The following RASGRF2 variants were observed in gnomAD, a reference collection of about 807,000 sequenced individuals.
RASGRF2 encodes Ras protein specific guanine nucleotide releasing factor 2, also known as ras-specific guanine nucleotide-releasing factor 2.
A neutral mutation model predicts 151.0 loss-of-function variants in RASGRF2; 76 were observed. The ratio of observed to expected loss-of-function variants is 0.50; its 90% CI spans 0.42 to 0.61. RASGRF2 has a LOEUF of 0.61. Among genes scored for constraint, RASGRF2 ranks in the 20% least tolerant of loss-of-function variants. The pLI is 0.00. For synonymous variants in RASGRF2, 504 were observed against 566.5 expected, an observed-to-expected ratio of 0.89 and a Z score of 1.57; for missense variants, 1,148 against 1,564.6, an observed-to-expected ratio of 0.73 and a Z score of 4.49.
chr5:81,058,048 C>T (rs252591), intron 2 of RASGRF2, among the ~76,000 whole-genome samples: 130,967 of 151,926 alleles, frequency 0.86, 56,897 homozygotes, highest in Non-Finnish European at 0.92. Context: ...TTCCAGCTAT[C>T]TTGAAATATA....
At chr5:81,003,366 GTGCCCACCACCA>G (rs1749148992) in intron 1 of RASGRF2, among the ~76,000 whole-genome samples, 1 of 152,068 alleles carries the variant, frequency 6.6e-6, no homozygotes, top group Non-Finnish European at 1.5e-5. Flanking sequence ...GGGACTACAG[GTGCCCACCACCA>G]CGCCCACCTA....
intron 17 of RASGRF2, among the ~76,000 whole-genome samples, chr5:81,141,119 G>T (rs1415898909): frequency 6.6e-6 from 1 of 152,126 alleles, no homozygotes. Context: ...GCCACATTTG[G>T]CTGTGAGCCA....
chr5:81,012,172 A>G (rs1454601622), intron 1 of RASGRF2, among the ~76,000 whole-genome samples: 1 of 152,130 alleles, frequency 6.6e-6, no homozygotes, highest in Non-Finnish European at 1.5e-5. Context: ...AGTTATGAGC[A>G]TTTTACCCCA....
At position 81,201,459 on chromosome 5, in the gene RASGRF2, A is replaced by C; in HGVS notation, c.2906+17A>C. On this transcript the variant is annotated intron_variant, in intron 19 of 26. Transcript: ENST00000265080. ...TATCCTCAGGTGAAGGCAGCTGAAG[A>C]TGCCGACTGGATGACATTGGTTGAT... The C allele has an allele frequency of 6.2e-7, 1 of 1,606,186 alleles. No homozygotes were observed. Among genetic ancestry groups the C allele is most frequent in the Non-Finnish European group, 8.5e-7 (1 of 1,177,062 alleles).
chr5:81,175,101 T>C (rs1363475153), intron 17 of RASGRF2, among the ~76,000 whole-genome samples: 1 of 152,258 alleles, frequency 6.6e-6, no homozygotes, highest in African/African-American at 2.4e-5. Context: ...CTTAGTTCTG[T>C]GACCTTTGCC....
chr5:81,136,932 G>A (rs1376737836), intron 17 of RASGRF2, among the ~76,000 whole-genome samples: 1 of 94,754 alleles, frequency 1.1e-5, no homozygotes, highest in Non-Finnish European at 2.8e-5. Flanking sequence ...TTCCGTGTCT[G>A]TGTTTTTTTA....
chr5:81,059,308 C>T (rs188923944), intron 2 of RASGRF2, among the ~76,000 whole-genome samples: 76 of 147,490 alleles, frequency 5.2e-4, no homozygotes, highest in Admixed American at 3.1e-3. Context: ...GGCGTGAACC[C>T]GGGAGGCGGA....
At chr5:81,066,488 T>A (rs1751606219) in intron 2 of RASGRF2, among the ~76,000 whole-genome samples, 1 of 152,172 alleles carries the variant, frequency 6.6e-6, no homozygotes, top group South Asian at 2.1e-4. Context: ...AGCAGGACAC[T>A]GCAGTATCTC....
At chr5:81,152,726 G>C (rs928869365) in intron 17 of RASGRF2, among the ~76,000 whole-genome samples, 1 of 152,164 alleles carries the variant, frequency 6.6e-6, no homozygotes, top group Non-Finnish European at 1.5e-5. Flanking sequence ...ATCTAGCACA[G>C]GCATACCAAA....
At position 81,140,913 on chromosome 5, in the gene RASGRF2, C is replaced by T. The variant is rs190182102; in HGVS notation, c.2686+13750C>T. 7.5e-4 allele frequency among the ~76,000 whole-genome samples: 114 copies of T among 152,100 alleles called. 2 individuals carry two copies. The East Asian group carries it at 0.011, about 14-fold the overall frequency. On this transcript the variant is annotated intron_variant, in intron 17 of 26. Coordinates refer to ENST00000265080, the MANE Select transcript of RASGRF2 (RefSeq NM_006909.3). ...GAGAGGTGCTGCCATGTTTGAAGGACACAGCCACTGCCCAGCCCCTGCAGA... is the reference window on the plus strand; with the variant it reads ...GAGAGGTGCTGCCATGTTTGAAGGATACAGCCACTGCCCAGCCCCTGCAGA...
intron 18 of RASGRF2, among the ~76,000 whole-genome samples, chr5:81,197,431 C>T (rs1755290573): frequency 7.4e-6 from 1 of 134,234 alleles, no homozygotes; most frequent in Non-Finnish European, 1.5e-5. Flanking sequence ...AGTCCGCAAT[C>T]CGGCCTGGGC....
At chr5:81,102,696 CAA>C (rs35561550) in intron 12 of RASGRF2, among the ~76,000 whole-genome samples, 28 of 77,856 alleles carry the variant, frequency 3.6e-4, no homozygotes, top group Admixed American at 5.8e-4. Flanking sequence ...CTCTGTCTCC[CAA>C]AAAAAAAAAA....
At chr5:81,058,030 A>G (rs1056964473) in intron 2 of RASGRF2, among the ~76,000 whole-genome samples, 1 of 152,024 alleles carries the variant, frequency 6.6e-6, no homozygotes, top group African/African-American at 2.4e-5. Context: ...TTAATTAATA[A>G]CCCTGTTTTC....
intron 13 of RASGRF2, among the ~76,000 whole-genome samples, chr5:81,112,082 C>A (rs1462569560): frequency 6.6e-6 from 1 of 152,108 alleles, no homozygotes. Context: ...TTATTATTTA[C>A]CTCCTCCATT....
intron 2 of RASGRF2, among the ~76,000 whole-genome samples, chr5:81,043,268 A>G (rs1209881157): frequency 6.7e-6 from 1 of 150,282 alleles, no homozygotes; most frequent in East Asian, 1.9e-4. Context: ...TCAATTACAG[A>G]ATGTATTGAA....
intron 12 of RASGRF2, among the ~76,000 whole-genome samples, chr5:81,104,155 T>C (rs1042487746): frequency 7.9e-5 from 12 of 152,138 alleles, no homozygotes; most frequent in Middle Eastern, 3.2e-3. Context: ...GTGTTTATAG[T>C]GTTTTACATC....
chr5:81,157,675 T>G (rs1754293348), intron 17 of RASGRF2, among the ~76,000 whole-genome samples: 2 of 152,304 alleles, frequency 1.3e-5, no homozygotes, highest in South Asian at 4.1e-4. Flanking sequence ...TGGGGAGGTC[T>G]CAGGAAACTT....
In RASGRF2 at chr5:80,960,642, G is replaced by C; in HGVS notation, c.-97G>C. The C allele has an allele frequency of 1.7e-6, 2 of 1,162,732 alleles. No homozygotes were observed. The highest frequency in any genetic ancestry group is 2.2e-6 in the Non-Finnish European group (2 of 908,954). 72.0% of individuals were successfully genotyped at this position (1,162,732 alleles called of 1,614,324 possible). ...AAAGGGGGCGCCCTTCGCCGGCCGG[G>C]ACCTGAGCGGTCGCGCCCTCGAGGG... On this transcript the variant is annotated 5_prime_UTR_variant, in exon 1 of 27. Coordinates refer to ENST00000265080, the MANE Select transcript of RASGRF2 (RefSeq NM_006909.3). The surrounding 1 kb of genome is among the most constrained non-coding windows in gnomAD (Gnocchi z 5.5).
At chr5:81,136,465 A>G (rs780773553) in intron 17 of RASGRF2, among the ~76,000 whole-genome samples, 2 of 148,504 alleles carry the variant, frequency 1.3e-5, no homozygotes, top group South Asian at 2.1e-4. Flanking sequence ...ATTTCACTCC[A>G]CTCTCTTCTT....
Sources: allele counts gnomAD v4.1 joint callset (sites outside exome capture counted in the v4.1 genomes callset), GRCh38; gene constraint gnomAD v4.1.1; non-coding constraint Gnocchi (gnomAD v3.1); transcripts MANE v1.5; gene names NCBI Gene and HGNC (gene_info 2026-07-23, HGNC 2026-07-21).